BICRAL: variants seen among roughly 807,000 people sequenced by gnomAD.
BICRAL encodes BICRA like chromatin remodeling complex associated protein, also known as BRD4-interacting chromatin-remodeling complex-associated protein-like.
In BICRAL, 8 loss-of-function variants were observed where a neutral mutation model predicts 91.8. That is an observed-to-expected ratio of 0.09 (90% CI 0.05 to 0.16). BICRAL has a LOEUF of 0.16. Ranked by LOEUF, BICRAL falls within the 10% of genes least tolerant of loss-of-function variation. The pLI is 1.00. For synonymous variants in BICRAL, 445 were observed against 491.1 expected (o/e 0.91, Z 1.24); for missense variants, 1,038 against 1,310.9 (o/e 0.79, Z 3.21).
intron 1 of BICRAL, among the ~76,000 whole-genome samples, chr6:42,783,421 A>C (rs1308425553): frequency 1.3e-5 from 2 of 151,806 alleles, no homozygotes; most frequent in African/African-American, 4.8e-5. Flanking sequence ...CAAATGCGGG[A>C]TATTGGGTGG....
Position 42,793,969 on chromosome 6 carries a change from CATTTTTATTTTT to C in BICRAL, c.-102+11900_-102+11911del, listed in dbSNP as rs56661185. 9.8e-3 allele frequency among the ~76,000 whole-genome samples: 1,432 copies of C among 145,962 alleles called. 12 individuals carry two copies. The highest frequency in any genetic ancestry group is 0.027 in the African/African-American group (1,044 of 39,166). ...TGTCTCGAACTCCTGGACAAGATGA[CATTTTTATTTTT>C]ATTTTTATTTTTATTTTTATTTTTA... On this transcript the variant is annotated intron_variant, in intron 1 of 12. Transcript: ENST00000314073.
chr6:42,804,071 G>A (rs1763644445), intron 1 of BICRAL, among the ~76,000 whole-genome samples: 1 of 152,196 alleles, frequency 6.6e-6, no homozygotes, highest in South Asian at 2.1e-4. Context: ...TGCCCAGGCT[G>A]GAGTGCAATG....
At chr6:42,766,063 C>T (rs539356754) in intron 1 of BICRAL, among the ~76,000 whole-genome samples, 2 of 152,094 alleles carry the variant, frequency 1.3e-5, no homozygotes, top group Admixed American at 1.3e-4. Flanking sequence ...CCAGGCTGGT[C>T]TCGAACTCCT....
chr6:42,827,940 G>A (rs1764350206), intron 5 of BICRAL, among the ~76,000 whole-genome samples: 1 of 152,144 alleles, frequency 6.6e-6, no homozygotes, highest in Non-Finnish European at 1.5e-5. Flanking sequence ...ATGAAGCTAA[G>A]CTCCAAGTAG....
chr6:42,847,785 TG>T (rs1160811792), intron 6 of BICRAL, among the ~76,000 whole-genome samples: 1 of 151,678 alleles, frequency 6.6e-6, no homozygotes, highest in Non-Finnish European at 1.5e-5. Flanking sequence ...TAGCCGGGTG[TG>T]GTGCTGGGCA....
intron 2 of BICRAL, among the ~76,000 whole-genome samples, chr6:42,814,265 C>T: frequency 7.4e-6 from 1 of 135,472 alleles, no homozygotes; most frequent in East Asian, 2.1e-4. Context: ...GACACGGTCT[C>T]ACTTTGTCAC....
At chr6:42,810,626 A>G (rs1324034248) in intron 2 of BICRAL, among the ~76,000 whole-genome samples, 4 of 152,220 alleles carry the variant, frequency 2.6e-5, no homozygotes, top group South Asian at 2.1e-4. Context: ...GATGACACCC[A>G]TTGGAAAACT....
At chr6:42,855,450 G>A (rs1765321581) in intron 8 of BICRAL, among the ~76,000 whole-genome samples, 1 of 152,138 alleles carries the variant, frequency 6.6e-6, no homozygotes, top group African/African-American at 2.4e-5. Context: ...GCTGAGGTGG[G>A]AGGATCACTT....
intron 6 of BICRAL, among the ~76,000 whole-genome samples, chr6:42,851,308 G>T (rs989776426): frequency 6.6e-6 from 1 of 152,166 alleles, no homozygotes; most frequent in Admixed American, 6.6e-5. Context: ...GATCACTTGA[G>T]CCCAGGAGTT....
intron 2 of BICRAL, among the ~76,000 whole-genome samples, chr6:42,818,198 C>G (rs1764049853): frequency 6.6e-6 from 1 of 152,148 alleles, no homozygotes; most frequent in South Asian, 2.1e-4. Context: ...GCCAATCTGA[C>G]AGGACATGTA....
upstream of BICRAL, among the ~76,000 whole-genome samples, chr6:42,780,853 C>T (rs963267826): frequency 6.6e-6 from 1 of 152,116 alleles, no homozygotes; most frequent in East Asian, 1.9e-4. Flanking sequence ...TCTCCTGCCT[C>T]AGCCTCCCGA....
Position 42,785,426 on chromosome 6 carries a change from T to C in BICRAL, c.-102+3325T>C, listed in dbSNP as rs912367828. On this transcript the variant is annotated intron_variant, in intron 1 of 12. Transcript: ENST00000314073. ...ATACAAAAAAGCTAGCCGAGTGTGGTGGCAGGTGCCTGTAATCCCAGCTAC... is the reference window on the plus strand; with the variant it reads ...ATACAAAAAAGCTAGCCGAGTGTGGCGGCAGGTGCCTGTAATCCCAGCTAC... 2.6e-5 allele frequency among the ~76,000 whole-genome samples: 4 copies of C among 151,696 alleles called. No individual in the cohort carries two copies. The South Asian group carries it at 8.3e-4, about 32-fold the overall frequency.
chr6:42,769,061 G>A (rs779782072), intron 1 of BICRAL, among the ~76,000 whole-genome samples: 1 of 152,226 alleles, frequency 6.6e-6, no homozygotes, highest in Non-Finnish European at 1.5e-5. Context: ...AAATGTAGCA[G>A]CTTAAAACAG....
At chr6:42,799,699 G>T (rs1181303041) in intron 1 of BICRAL, among the ~76,000 whole-genome samples, 1 of 152,028 alleles carries the variant, frequency 6.6e-6, no homozygotes, top group African/African-American at 2.4e-5. Flanking sequence ...AGTTCACATG[G>T]CATTTCTTAG....
chr6:42,781,567 C>T (rs1481656394), upstream of BICRAL, among the ~76,000 whole-genome samples: 1 of 108,484 alleles, frequency 9.2e-6, no homozygotes, highest in East Asian at 2.9e-4. Context: ...CCCCCCTTCC[C>T]GTGTCAAGTT....
At chr6:42,841,572 C>G (rs925743374) in intron 6 of BICRAL, among the ~76,000 whole-genome samples, 1 of 152,110 alleles carries the variant, frequency 6.6e-6, no homozygotes. Context: ...GCCTGCCTTC[C>G]TTATGTGGAA....
intron 1 of BICRAL, among the ~76,000 whole-genome samples, chr6:42,749,853 A>G (rs1470017072): frequency 2.7e-5 from 4 of 147,570 alleles, no homozygotes; most frequent in African/African-American, 7.5e-5. Flanking sequence ...AAAGATTGGG[A>G]GTTCCTTTTT....
In BICRAL at chr6:42,810,379, G is replaced by C. The variant is rs1247858419; in HGVS notation, c.-28G>C. 6.6e-6 allele frequency: 1 copy of C among 152,188 alleles called. No homozygotes were observed. The highest frequency in any genetic ancestry group is 1.5e-5 in the Non-Finnish European group (1 of 68,040). The allele number at this position is 152,188 out of a possible 1,614,324, so 9.4% of individuals were successfully genotyped here. On this transcript the variant is annotated 5_prime_UTR_variant, in exon 2 of 13. Transcript: ENST00000314073. ...AGCTTGGGAACTCCTGCCAAAAATT[G>C]TAGCACTTCTCACATTGCAATGGTA...
chr6:42,866,908 C>T lies in BICRAL; in HGVS notation c.*1462C>T. 4.4e-6 allele frequency: 2 copies of T among 455,796 alleles called. No individual in the cohort carries two copies. Among genetic ancestry groups the T allele is most frequent in the South Asian group, 3.1e-5 (2 of 64,546 alleles). 28.2% of individuals were successfully genotyped at this position (455,796 alleles called of 1,614,324 possible). ...AAAGCTACATGATAGTATTTTTATG[C>T]ACTCTTCTCCCACACATACACACAC... On this transcript the variant is annotated 3_prime_UTR_variant, in exon 13 of 13. Coordinates refer to ENST00000314073, the MANE Select transcript of BICRAL (RefSeq NM_001393499.1).
Sources: gnomAD v4.1 joint callset for allele counts (sites outside exome capture counted in the v4.1 genomes callset) on GRCh38, gnomAD v4.1.1 for gene constraint, MANE v1.5 for transcripts, NCBI Gene and HGNC (gene_info 2026-07-23, HGNC 2026-07-21) for gene names.